UNC5D: variants seen among roughly 807,000 people sequenced by gnomAD.
The protein encoded by UNC5D is netrin receptor UNC5D.
Under a neutral mutation model 105.4 loss-of-function variants are expected in UNC5D, and 39 were observed. The observed-to-expected ratio is 0.37, with a 90% CI of 0.29 to 0.48. UNC5D has a LOEUF of 0.48. Ranked by LOEUF, UNC5D falls within the 20% of genes least tolerant of loss-of-function variation. The pLI is 0.98. For missense variants in UNC5D, 991 were observed against 1,202.4 expected (o/e 0.82, Z 2.60); for synonymous variants, 452 against 450.4 (o/e 1.00, Z -0.04).
At chr8:35,355,829 C>T (rs1172104205) in intron 1 of UNC5D, among the ~76,000 whole-genome samples, 1 of 152,114 alleles carries the variant, frequency 6.6e-6, no homozygotes, top group African/African-American at 2.4e-5. Context: ...GCTCTACCAT[C>T]CCTTCCACCA....
At chr8:35,606,647 G>T (rs1454300868) in intron 4 of UNC5D, among the ~76,000 whole-genome samples, 1 of 152,128 alleles carries the variant, frequency 6.6e-6, no homozygotes, top group East Asian at 1.9e-4. Context: ...TCAGTGTTTA[G>T]CTCCCACTTA....
intron 4 of UNC5D, among the ~76,000 whole-genome samples, chr8:35,605,675 G>A (rs995195245): frequency 6.6e-6 from 1 of 152,210 alleles, no homozygotes; most frequent in East Asian, 1.9e-4. Flanking sequence ...GCCTCCTTGA[G>A]CTGTGGTGGG....
rs539010447 is a variant in UNC5D at position 35,763,051 on chromosome 8, G to A, written c.2313+3582G>A. ...CTCTCAGCTCAGAGAGCTCGTTGGT[G>A]TTTTTTGTTTTTGTTTTTTGAATAA... On this transcript the variant is annotated intron_variant, in intron 14 of 16. Transcript: ENST00000404895. Among the ~76,000 whole-genome samples, 93 of 152,238 alleles carry A rather than the reference G, an allele frequency of 6.1e-4. 1 individual carries two copies. The highest frequency in any genetic ancestry group is 2.2e-3 in the African/African-American group (91 of 41,562).
Position 35,263,546 on chromosome 8 carries a change from CACTGCACCTG to C in UNC5D, c.103+27663_103+27672del, listed in dbSNP as rs1427776125. On this transcript the variant is annotated intron_variant, in intron 1 of 16. Transcript: ENST00000404895. ...AGTAGCTAGGACTACAGGCTCATGC[CACTGCACCTG>C]ACTAAATAATTTTTGTTTCTAAGTC... 2.6e-5 allele frequency among the ~76,000 whole-genome samples: 4 copies of C among 152,314 alleles called. 1 individual carries two copies. The highest frequency in any genetic ancestry group is 9.6e-5 in the African/African-American group (4 of 41,570).
chr8:35,397,659 G>C (rs919579655), intron 1 of UNC5D, among the ~76,000 whole-genome samples: 1 of 152,052 alleles, frequency 6.6e-6, no homozygotes, highest in East Asian at 1.9e-4. Flanking sequence ...GTTTCATCTA[G>C]ATTTAAAATA....
intron 1 of UNC5D, among the ~76,000 whole-genome samples, chr8:35,390,761 A>T (rs1242827507): frequency 6.6e-6 from 1 of 152,194 alleles, no homozygotes; most frequent in Non-Finnish European, 1.5e-5. Flanking sequence ...GTTCATGTTC[A>T]CTAGTGAAAA....
At chr8:35,336,141 A>G (rs1393824054) in intron 1 of UNC5D, among the ~76,000 whole-genome samples, 2 of 152,162 alleles carry the variant, frequency 1.3e-5, no homozygotes, top group Admixed American at 6.5e-5. Context: ...AGAGTTAGTA[A>G]ATATCTATGT....
intron 1 of UNC5D, among the ~76,000 whole-genome samples, chr8:35,272,841 T>C (rs1805513299): frequency 6.6e-6 from 1 of 152,198 alleles, no homozygotes; most frequent in African/African-American, 2.4e-5. Context: ...ACAAGGGTGG[T>C]GATGTCCAGT....
intron 4 of UNC5D, among the ~76,000 whole-genome samples, chr8:35,616,142 A>G (rs1031222782): frequency 6.6e-6 from 1 of 152,222 alleles, no homozygotes; most frequent in South Asian, 2.1e-4. Flanking sequence ...AGTTTTATAA[A>G]TAACCAAACT....
intron 1 of UNC5D, among the ~76,000 whole-genome samples, chr8:35,238,127 G>A (rs1206640472): frequency 6.6e-6 from 1 of 152,118 alleles, no homozygotes; most frequent in African/African-American, 2.4e-5. Context: ...CCTAACCAAC[G>A]GGGTATAGAA....
chr8:35,283,090 T>C (rs774127913), intron 1 of UNC5D, among the ~76,000 whole-genome samples: 15 of 152,158 alleles, frequency 9.9e-5, no homozygotes, highest in Non-Finnish European at 2.2e-4. Context: ...TGGGAAGCTA[T>C]TTGGGGGTAG....
chr8:35,394,195 T>A (rs1803959683), intron 1 of UNC5D, among the ~76,000 whole-genome samples: 4 of 152,212 alleles, frequency 2.6e-5, no homozygotes, highest in Non-Finnish European at 5.9e-5. Context: ...GTCATATAAT[T>A]CTTTATGTGA....
intron 1 of UNC5D, among the ~76,000 whole-genome samples, chr8:35,423,003 G>A (rs555463356): frequency 2.0e-5 from 3 of 152,334 alleles, no homozygotes; most frequent in Admixed American, 6.5e-5. Flanking sequence ...CAGTTACTAT[G>A]TGTGAAGAGC....
intron 1 of UNC5D, among the ~76,000 whole-genome samples, chr8:35,504,144 C>A (rs551022669): frequency 6.6e-6 from 1 of 152,048 alleles, no homozygotes; most frequent in South Asian, 2.1e-4. Flanking sequence ...CACATACTCA[C>A]GGGGGTTTGA....
chr8:35,590,132 G>A (rs962764127), intron 3 of UNC5D, among the ~76,000 whole-genome samples: 2 of 151,764 alleles, frequency 1.3e-5, no homozygotes, highest in South Asian at 2.1e-4. Flanking sequence ...TTTGTTTCAC[G>A]TCCCTTCGCC....
At chr8:35,463,285 T>G (rs989762772) in intron 1 of UNC5D, among the ~76,000 whole-genome samples, 18 of 152,096 alleles carry the variant, frequency 1.2e-4, no homozygotes, top group African/African-American at 4.1e-4. Flanking sequence ...ACGAGAGAGA[T>G]AAGACAAACA....
At chr8:35,437,060 G>A (rs962627297) in intron 1 of UNC5D, among the ~76,000 whole-genome samples, 1 of 151,040 alleles carries the variant, frequency 6.6e-6, no homozygotes, top group African/African-American at 2.4e-5. Flanking sequence ...GGCTAGTCTC[G>A]AACCACTGGG....
At chr8:35,372,117 G>A (rs1188576461) in intron 1 of UNC5D, among the ~76,000 whole-genome samples, 1 of 152,048 alleles carries the variant, frequency 6.6e-6, no homozygotes, top group African/African-American at 2.4e-5. Flanking sequence ...TTTTGTTTTG[G>A]TTTGGTTTAG....
intron 1 of UNC5D, among the ~76,000 whole-genome samples, chr8:35,458,998 TG>T (rs1399806702): frequency 6.6e-6 from 1 of 152,208 alleles, no homozygotes; most frequent in Non-Finnish European, 1.5e-5. Context: ...CTCTGTTTTT[TG>T]TGCCTCCTTT....
Sources: allele counts gnomAD v4.1 joint callset (sites outside exome capture counted in the v4.1 genomes callset), GRCh38; gene constraint gnomAD v4.1.1; transcripts MANE v1.5; gene names NCBI Gene and HGNC (gene_info 2026-07-23, HGNC 2026-07-21).